CFAP100: variants seen among roughly 807,000 people sequenced by gnomAD.
CFAP100 encodes the protein cilia- and flagella-associated protein 100.
Under a neutral mutation model 81.5 loss-of-function variants are expected in CFAP100, and 70 were observed. The ratio of observed to expected loss-of-function variants is 0.86; its 90% CI spans 0.71 to 1.05. CFAP100 has a LOEUF of 1.05. Among genes scored for constraint, CFAP100 ranks in the 50% least tolerant of loss-of-function variants. The pLI, the probability that CFAP100 is intolerant of heterozygous loss-of-function variation, is 0.00. For missense variants in CFAP100, 811 were observed against 776.5 expected, an observed-to-expected ratio of 1.04 and a Z score of -0.53; for synonymous variants, 341 against 314.8, an observed-to-expected ratio of 1.08 and a Z score of -0.88.
chr3:126,433,457 T>C (rs960668712), intron 14 of CFAP100: 1 of 475,600 alleles, frequency 2.1e-6, no homozygotes, highest in Non-Finnish European at 3.8e-6. Context: ...CTTAAACACA[T>C]ATATTGTGTC....
intron 5 of CFAP100, among the ~76,000 whole-genome samples, chr3:126,417,865 C>T (rs1008538185): frequency 6.6e-6 from 1 of 152,248 alleles, no homozygotes; most frequent in Non-Finnish European, 1.5e-5. Flanking sequence ...AAATCAGAGA[C>T]AGCCTACAAC....
At chr3:126,429,775 G>GT (rs1382842753) in intron 13 of CFAP100, among the ~76,000 whole-genome samples, 1 of 151,952 alleles carries the variant, frequency 6.6e-6, no homozygotes, top group Non-Finnish European at 1.5e-5. Context: ...TTATACTTTT[G>GT]TATGCTTTCG....
At chr3:126,398,032 C>T (rs998108361) in intron 2 of CFAP100, among the ~76,000 whole-genome samples, 3 of 152,212 alleles carry the variant, frequency 2.0e-5, no homozygotes, top group Non-Finnish European at 4.4e-5. Flanking sequence ...GCCTGTGGCC[C>T]GGGAGGACTA....
chr3:126,412,482 T>C (rs546802717), intron 3 of CFAP100, among the ~76,000 whole-genome samples: 43 of 152,354 alleles, frequency 2.8e-4, no homozygotes, highest in African/African-American at 9.9e-4. Context: ...GGGGTTCCCT[T>C]CTATTCCTAC....
chr3:126,407,117 G>C, intron 2 of CFAP100, 55 bp from the exon 3 acceptor site: 1 of 1,282,220 alleles, frequency 7.8e-7, no homozygotes, highest in South Asian at 1.2e-5. Flanking sequence ...TGTGTTCACA[G>C]TTCTCATGGG....
intron 11 of CFAP100, among the ~76,000 whole-genome samples, chr3:126,422,560 G>T (rs1371034984): frequency 6.6e-6 from 1 of 152,208 alleles, no homozygotes; most frequent in Non-Finnish European, 1.5e-5. Context: ...TGGGAGGGCA[G>T]GTTTGGAAGT....
chr3:126,432,106 C>A (rs1045672569), intron 13 of CFAP100, among the ~76,000 whole-genome samples: 1 of 151,830 alleles, frequency 6.6e-6, no homozygotes, highest in African/African-American at 2.4e-5. Flanking sequence ...CAGTGAAACC[C>A]CGTCTCTACT....
At chr3:126,418,859 C>T (rs1576634713) in intron 7 of CFAP100, 85 bp downstream of exon 7, 1 of 1,446,800 alleles carries the variant, frequency 6.9e-7, no homozygotes, top group Non-Finnish European at 9.2e-7. Flanking sequence ...TATCCAGCCT[C>T]TGCCCCCAGC....
chr3:126,416,419 A>C lies in CFAP100; in HGVS notation c.329A>C (p.Asp110Ala). The C allele has an allele frequency of 6.2e-7, 1 of 1,612,004 alleles. No individual in the cohort carries two copies. Among genetic ancestry groups the C allele is most frequent in the Non-Finnish European group, 8.5e-7 (1 of 1,179,550 alleles). Reference protein sequence around the residue: ...TSLRRQLQLEDKQEDLEARAE... With the variant: ...TSLRRQLQLEAKQEDLEARAE... Reference sequence around the variant, plus strand: ...CTGCGGCGGCAGCTGCAGCTGGAGGACAAGCAGGAGGACCTGGAGGCGCGC... The same window carrying C: ...CTGCGGCGGCAGCTGCAGCTGGAGGCCAAGCAGGAGGACCTGGAGGCGCGC... Residue 110 changes from aspartate (D) to alanine (A), a missense_variant, in exon 5 of 17, where the codon GAC becomes GCC. Transcript: ENST00000352312.
chr3:126,414,522 G>A lies in CFAP100; in HGVS notation c.225+343G>A, dbSNP rs192069532. 1.2e-4 allele frequency among the ~76,000 whole-genome samples: 18 copies of A among 152,290 alleles called. No homozygotes were observed. In the South Asian group the frequency reaches 1.4e-3, roughly 12 times the overall value. On this transcript the variant is annotated intron_variant, in intron 4 of 16. Transcript: ENST00000352312. The stretch of plus-strand genomic sequence containing the variant: ...TCCTGACACTCTCCGGGTCCTCCAA[G>A]GCCCAGCTCAGCCCTCACAGGCCCT...
chr3:126,423,281 G>T, intron 11 of CFAP100, 44 bp from the exon 12 acceptor site: 1 of 1,571,808 alleles, frequency 6.4e-7, no homozygotes, highest in Admixed American at 1.8e-5. Flanking sequence ...GCTCCTGTCT[G>T]CTCAGGCTGG....
rs2082862466 is a variant in CFAP100 at position 126,394,949 on chromosome 3, C to CTTCG, written c.-88_-85dup. The CTTCG allele has an allele frequency of 2.0e-5, 3 of 152,338 alleles. No homozygotes were observed. The South Asian group carries it at 6.1e-4, about 31-fold the overall frequency. 9.4% of individuals were successfully genotyped at this position (152,338 alleles called of 1,614,324 possible). ...GGAGCTGAGAACTGCAGCGCGGAGG[C>CTTCG]TTCGGAGCGAGCCGGGGCAGTCGGG... On this transcript the variant is annotated 5_prime_UTR_variant, in exon 1 of 17. Coordinates refer to ENST00000352312, the MANE Select transcript of CFAP100 (RefSeq NM_182628.3).
chr3:126,411,395 T>C (rs1325333602), intron 3 of CFAP100, among the ~76,000 whole-genome samples: 1 of 119,774 alleles, frequency 8.3e-6, no homozygotes, highest in East Asian at 2.9e-4. Flanking sequence ...TTTGCTCGTG[T>C]CCTTTCCTGG....
At chr3:126,433,981 G>A in intron 14 of CFAP100, 195 bp from the exon 15 acceptor site, 1 of 572,750 alleles carries the variant, frequency 1.7e-6, no homozygotes, top group Non-Finnish European at 3.1e-6. Context: ...GACTCCAGGG[G>A]GCCCGGGGGA....
At chr3:126,425,897 G>A (rs1242596689) in intron 13 of CFAP100, among the ~76,000 whole-genome samples, 2 of 151,984 alleles carry the variant, frequency 1.3e-5, no homozygotes, top group Non-Finnish European at 2.9e-5. Context: ...GAATAGAAGG[G>A]AATTTCCTCA....
At chr3:126,397,134 C>A (rs557920128) in intron 2 of CFAP100, among the ~76,000 whole-genome samples, 1 of 152,238 alleles carries the variant, frequency 6.6e-6, no homozygotes, top group East Asian at 1.9e-4. Context: ...TTTTAATTAA[C>A]CCATACATTG....
At chr3:126,398,561 C>A (rs1168094513) in intron 2 of CFAP100, among the ~76,000 whole-genome samples, 2 of 152,236 alleles carry the variant, frequency 1.3e-5, no homozygotes, top group Non-Finnish European at 2.9e-5. Context: ...TCAGGAAGGG[C>A]ATGGGGTCTA....
At position 126,417,616 on chromosome 3, in the gene CFAP100, G is replaced by A. The variant is rs56375293; in HGVS notation, c.419-842G>A. 5.3e-3 allele frequency among the ~76,000 whole-genome samples: 801 copies of A among 152,318 alleles called. 8 individuals carry two copies. Among genetic ancestry groups the A allele is most frequent in the African/African-American group, 0.018 (748 of 41,558 alleles). On this transcript the variant is annotated intron_variant, in intron 5 of 16. Coordinates refer to ENST00000352312, the MANE Select transcript of CFAP100 (RefSeq NM_182628.3). ...CCACCCTTATTCCCAAGACCTGGAGGAGAGGCAAGTGACTGGGGAGGCGGG... is the reference window on the plus strand; with the variant it reads ...CCACCCTTATTCCCAAGACCTGGAGAAGAGGCAAGTGACTGGGGAGGCGGG...
chr3:126,408,008 C>T (rs1167190835), intron 3 of CFAP100, among the ~76,000 whole-genome samples: 1 of 152,216 alleles, frequency 6.6e-6, no homozygotes, highest in Non-Finnish European at 1.5e-5. Flanking sequence ...CCAGCCTGTG[C>T]TCCATGGCCC....
Sources: allele counts gnomAD v4.1 joint callset (sites outside exome capture counted in the v4.1 genomes callset), GRCh38; gene constraint gnomAD v4.1.1; transcripts MANE v1.5; gene names NCBI Gene and HGNC (gene_info 2026-07-23, HGNC 2026-07-21).